ADK: variants seen among roughly 807,000 people sequenced by gnomAD.
ADK encodes adenosine kinase.
ADK carries 24 observed loss-of-function variants against 44.7 expected under a neutral mutation model. The observed-to-expected ratio is 0.54, with a 90% CI of 0.39 to 0.76. The LOEUF is 0.76. Among genes scored for constraint, ADK ranks in the 30% least tolerant of loss-of-function variants. The probability of loss-of-function intolerance (pLI) is 0.00; values close to 1 mark genes in which losing one functional copy is unlikely to be tolerated. For synonymous variants in ADK, 128 were observed against 142.6 expected (o/e 0.90, Z 0.73); for missense variants, 321 against 425.1 (o/e 0.76, Z 2.15).
At chr10:74,239,263 G>C (rs1217769177) in intron 3 of ADK, among the ~76,000 whole-genome samples, 1 of 151,968 alleles carries the variant, frequency 6.6e-6, no homozygotes, top group Non-Finnish European at 1.5e-5. Context: ...TTATGGAGTA[G>C]TATAAATTGT....
chr10:74,458,119 CTTTTTTT>C lies in ADK; in HGVS notation c.555+59561_555+59567del, dbSNP rs1172945144. Among the ~76,000 whole-genome samples the C allele has an allele frequency of 1.2e-3, 93 of 74,464 alleles. 2 individuals carry two copies. In the South Asian group the frequency reaches 0.04, roughly 32 times the overall value. 48.9% of individuals were successfully genotyped at this position (74,464 alleles called of 152,430 possible). A position where few individuals can be genotyped will look rare whatever the true frequency, so the allele number is the denominator to read the frequency against. Reference sequence around the variant, plus strand: ...TAATCTTTTTTAATGTGCATTAAAACTTTTTTTTTTTTTTTTTTTTTTTTTTTGGGGG... The same window carrying C: ...TAATCTTTTTTAATGTGCATTAAAACTTTTTTTTTTTTTTTTTTTTGGGGG... On this transcript the variant is annotated intron_variant, in intron 6 of 10. Transcript: ENST00000539909.
At chr10:74,301,358 C>T (rs571931268) in intron 3 of ADK, among the ~76,000 whole-genome samples, 1 of 151,472 alleles carries the variant, frequency 6.6e-6, no homozygotes, top group African/African-American at 2.4e-5. Context: ...ACTAAAAATA[C>T]AAAAAATTAG....
intron 4 of ADK, among the ~76,000 whole-genome samples, chr10:74,335,560 T>C (rs77246736): frequency 3.3e-4 from 50 of 152,336 alleles, no homozygotes; most frequent in African/African-American, 1.1e-3. Context: ...CTGCTAAAAA[T>C]ATTTATACGT....
chr10:74,314,913 A>T (rs1333985093), intron 4 of ADK, among the ~76,000 whole-genome samples, 168 bp downstream of exon 4: 1 of 151,976 alleles, frequency 6.6e-6, no homozygotes, highest in African/African-American at 2.4e-5. Flanking sequence ...TTTAATTGGT[A>T]TTTCTTTGGT....
At chr10:74,216,815 G>C (rs7922519) in intron 2 of ADK, among the ~76,000 whole-genome samples, 31,394 of 151,734 alleles carry the variant, frequency 0.21, 4,409 homozygotes, top group African/African-American at 0.4. Context: ...TCAGGCAATA[G>C]AATAGTGTAT....
chr10:74,419,325 C>A (rs1363298573), intron 6 of ADK, among the ~76,000 whole-genome samples: 1 of 151,954 alleles, frequency 6.6e-6, no homozygotes, highest in Non-Finnish European at 1.5e-5. Flanking sequence ...AAGTATTTCC[C>A]CCCCCCAAAA....
At chr10:74,308,641 T>C (rs542688730) in intron 3 of ADK, among the ~76,000 whole-genome samples, 20 of 152,340 alleles carry the variant, frequency 1.3e-4, no homozygotes, top group African/African-American at 4.8e-4. Context: ...TCATCAGAAA[T>C]TCTACTTGGC....
intron 10 of ADK, among the ~76,000 whole-genome samples, chr10:74,694,068 T>A (rs1856082170): frequency 6.6e-6 from 1 of 151,600 alleles, no homozygotes; most frequent in Non-Finnish European, 1.5e-5. Context: ...TGTAGCTTAT[T>A]ATAGAATATT....
intron 6 of ADK, among the ~76,000 whole-genome samples, chr10:74,507,075 CTGAG>C (rs1337452774): frequency 2.6e-5 from 4 of 151,972 alleles, no homozygotes; most frequent in Non-Finnish European, 5.9e-5. Context: ...TTTTTCTTAA[CTGAG>C]TATTAAATTC....
chr10:74,362,257 CT>C (rs1039943538), intron 4 of ADK, among the ~76,000 whole-genome samples: 2 of 150,916 alleles, frequency 1.3e-5, no homozygotes, highest in Admixed American at 6.6e-5. Flanking sequence ...GCTTCCTTTT[CT>C]TTTTTTTTCT....
chr10:74,615,860 C>T (rs1852737059), intron 9 of ADK, among the ~76,000 whole-genome samples: 1 of 152,106 alleles, frequency 6.6e-6, no homozygotes, highest in African/African-American at 2.4e-5. Flanking sequence ...AGGTGCCCAC[C>T]ATCACGCCTG....
At chr10:74,226,473 A>C (rs1034939809) in intron 3 of ADK, among the ~76,000 whole-genome samples, 11 of 152,126 alleles carry the variant, frequency 7.2e-5, no homozygotes, top group African/African-American at 2.7e-4. Flanking sequence ...TTTACCACCA[A>C]GGTTTTATCA....
chr10:74,430,999 G>A (rs886868604), intron 6 of ADK, among the ~76,000 whole-genome samples: 13 of 149,964 alleles, frequency 8.7e-5, no homozygotes, highest in African/African-American at 3.2e-4. Flanking sequence ...GCTGCCCATC[G>A]GAGCTTGCAG....
intron 3 of ADK, among the ~76,000 whole-genome samples, chr10:74,302,141 T>TTTTTTTTTTTTTTTTTTTTTTTTTTTTTC: frequency 9.5e-6 from 1 of 104,988 alleles, no homozygotes; most frequent in Non-Finnish European, 1.9e-5. Flanking sequence ...TTTTTTTTTT[T>TTTTTTTTTTTTTTTTTTTTTTTTTTTTTC]TTTTTGAGAT....
intron 10 of ADK, among the ~76,000 whole-genome samples, chr10:74,707,060 G>A (rs1465922834): frequency 6.6e-6 from 1 of 152,098 alleles, no homozygotes; most frequent in Admixed American, 6.6e-5. Flanking sequence ...TTTTGAGACA[G>A]GGTCCTACTC....
intron 3 of ADK, among the ~76,000 whole-genome samples, chr10:74,233,990 G>T (rs1844872449): frequency 6.6e-6 from 1 of 152,230 alleles, no homozygotes. Context: ...GAGGGTAACA[G>T]AATGGAGAGA....
chr10:74,384,764 T>A (rs942032983), intron 4 of ADK, among the ~76,000 whole-genome samples: 2 of 152,126 alleles, frequency 1.3e-5, no homozygotes, highest in South Asian at 4.1e-4. Context: ...AGTAGGAAGC[T>A]AGAAAGAACA....
At chr10:74,389,049 G>T (rs761876324) in intron 4 of ADK, among the ~76,000 whole-genome samples, 3 of 152,110 alleles carry the variant, frequency 2.0e-5, no homozygotes, top group Non-Finnish European at 2.9e-5. Context: ...GTCCTACCAT[G>T]CCTGTTATTC....
At chr10:74,374,116 C>T (rs1842751456) in intron 4 of ADK, among the ~76,000 whole-genome samples, 2 of 152,014 alleles carry the variant, frequency 1.3e-5, no homozygotes, top group Non-Finnish European at 2.9e-5. Flanking sequence ...TAGTGTTTGC[C>T]TGGGACTTGT....
Sources: allele counts gnomAD v4.1 joint callset (sites outside exome capture counted in the v4.1 genomes callset), GRCh38; gene constraint gnomAD v4.1.1; transcripts MANE v1.5; gene names NCBI Gene and HGNC (gene_info 2026-07-23, HGNC 2026-07-21).